The following MS4A12 variants were observed in gnomAD, a reference collection of about 807,000 sequenced individuals.
MS4A12 encodes the protein membrane-spanning 4-domains subfamily A member 12.
Under a neutral mutation model 23.7 loss-of-function variants are expected in MS4A12, and 28 were observed. That is an observed-to-expected ratio of 1.18 (90% CI 0.88 to 1.62). The LOEUF (loss-of-function observed/expected upper bound fraction) is 1.62, where lower values mean the gene tolerates loss of function less well. Ranked by LOEUF, MS4A12 falls within the 40% of genes most tolerant of loss-of-function variation. MS4A12 has a pLI of 0.00. For synonymous variants in MS4A12, 108 were observed against 110.1 expected (o/e 0.98, Z 0.12); for missense variants, 342 against 327.0 (o/e 1.05, Z -0.35).
At position 60,506,740 on chromosome 11, in the gene MS4A12, G is replaced by A. The variant is rs768161466; in HGVS notation, c.601G>A (p.Gly201Ser). 2.5e-6 allele frequency: 4 copies of A among 1,614,006 alleles called. No individual in the cohort carries two copies. In the South Asian group the frequency reaches 4.4e-5, roughly 18 times the overall value. The change falls in exon 6 of 7, where the codon GGC becomes AGC. Residue 201 changes from glycine to serine, a missense_variant. Transcript: ENST00000016913. ...QDYWAVLSGK[G>S]ISATLMIFSL... Reference sequence around the variant, plus strand: ...TTTATGATTTCAGCTTTCTGGAAAAGGCATTTCAGCCACGCTGATGATCTT... The same window carrying A: ...TTTATGATTTCAGCTTTCTGGAAAAAGCATTTCAGCCACGCTGATGATCTT...
At chr11:60,506,960 C>T in intron 6 of MS4A12, 60 bp from the exon 7 acceptor site, 2 of 1,535,886 alleles carry the variant, frequency 1.3e-6, no homozygotes, top group Non-Finnish European at 1.8e-6. Context: ...CTGATGGTAC[C>T]AGGGGAAATT....
At position 60,495,203 on chromosome 11, in the gene MS4A12, C is replaced by A. The variant is rs186407482; in HGVS notation, c.-6-2110C>A. On this transcript the variant is annotated intron_variant, in intron 1 of 6. Coordinates refer to ENST00000016913, the MANE Select transcript of MS4A12 (RefSeq NM_017716.3). ...ATTTTTAGTAGAGACGGGGTTTCAC[C>A]ATGTTAGCCAGGATGGTCTCGATCT... 4.4e-3 allele frequency among the ~76,000 whole-genome samples: 660 copies of A among 151,458 alleles called. 4 individuals are homozygous for A. The highest frequency in any genetic ancestry group is 0.015 in the African/African-American group (634 of 41,216).
chr11:60,499,900 ATACCTTAC>A (rs2086517122), intron 2 of MS4A12, among the ~76,000 whole-genome samples: 1 of 152,250 alleles, frequency 6.6e-6, no homozygotes, highest in African/African-American at 2.4e-5. Context: ...TAAAAGATGT[ATACCTTAC>A]TTTTAGTAAT....
intron 3 of MS4A12, 72 bp from the exon 4 acceptor site, chr11:60,501,910 CT>C (rs1343281844): frequency 7.2e-7 from 1 of 1,384,372 alleles, no homozygotes; most frequent in Non-Finnish European, 1.0e-6. Context: ...ATAGACCAAC[CT>C]TTCATATAAA....
intron 2 of MS4A12, chr11:60,498,108 A>G (rs1386774879): frequency 6.5e-6 from 1 of 153,600 alleles, no homozygotes; most frequent in Non-Finnish European, 1.4e-5. Flanking sequence ...CCTTACTTCT[A>G]CAAAGGAGAC....
At chr11:60,496,251 A>G (rs1246892951) in intron 1 of MS4A12, among the ~76,000 whole-genome samples, 3 of 152,220 alleles carry the variant, frequency 2.0e-5, no homozygotes, top group African/African-American at 7.2e-5. Flanking sequence ...ACCAAGAATG[A>G]GACATTCATC....
chr11:60,503,434 T>C (rs1025059013), intron 4 of MS4A12, among the ~76,000 whole-genome samples: 5 of 152,236 alleles, frequency 3.3e-5, no homozygotes, highest in Non-Finnish European at 5.9e-5. Context: ...TTATTGTGCA[T>C]GAAGCTTTTA....
intron 2 of MS4A12, among the ~76,000 whole-genome samples, chr11:60,499,895 G>T (rs117051707): frequency 6.6e-6 from 1 of 152,164 alleles, no homozygotes; most frequent in African/African-American, 2.4e-5. Context: ...GGAGGTAAAA[G>T]ATGTATACCT....
At chr11:60,506,605 G>A (rs2086571251) in intron 5 of MS4A12, 123 bp from the exon 6 acceptor site, 1 of 664,040 alleles carries the variant, frequency 1.5e-6, no homozygotes, top group South Asian at 2.0e-5. Flanking sequence ...GATGATACTG[G>A]AAGAATAAGC....
chr11:60,498,449 G>A (rs1393231546), intron 2 of MS4A12, among the ~76,000 whole-genome samples: 1 of 152,132 alleles, frequency 6.6e-6, no homozygotes, highest in Non-Finnish European at 1.5e-5. Context: ...AAGCTGTGGA[G>A]GTGGCCCTTC....
At chr11:60,501,863 G>A (rs1199325718) in intron 3 of MS4A12, 120 bp from the exon 4 acceptor site, 24 of 864,598 alleles carry the variant, frequency 2.8e-5, no homozygotes, top group Admixed American at 4.5e-5. Flanking sequence ...TCAGAAGTGC[G>A]AGAGAAAATT....
At chr11:60,501,936 C>A in intron 3 of MS4A12, 47 bp from the exon 4 acceptor site, 1 of 1,515,604 alleles carries the variant, frequency 6.6e-7, no homozygotes, top group Non-Finnish European at 9.1e-7. Flanking sequence ...AATTCCCAAG[C>A]ACAACCAGTT....
At chr11:60,502,448 A>G (rs2086538249) in intron 4 of MS4A12, among the ~76,000 whole-genome samples, 1 of 152,046 alleles carries the variant, frequency 6.6e-6, no homozygotes. Flanking sequence ...TTGTATTTTT[A>G]TTTTTTTATT....
chr11:60,502,271 G>A (rs2086536502), intron 4 of MS4A12, among the ~76,000 whole-genome samples: 1 of 152,192 alleles, frequency 6.6e-6, no homozygotes, highest in Non-Finnish European at 1.5e-5. Context: ...AAGGTGAGAA[G>A]TAGTAAAAAT....
intron 1 of MS4A12, among the ~76,000 whole-genome samples, chr11:60,494,127 T>C (rs969738704): frequency 3.3e-5 from 5 of 152,218 alleles, no homozygotes; most frequent in Admixed American, 6.5e-5. Context: ...TTCATTTCAA[T>C]TGAATAATTA....
intron 4 of MS4A12, 83 bp from the exon 5 acceptor site, chr11:60,503,618 A>C: frequency 8.8e-7 from 1 of 1,132,780 alleles, no homozygotes. Context: ...AAAAATTAAG[A>C]ACCATGAAAT....
At chr11:60,501,258 TC>T (rs2086528524) in intron 3 of MS4A12, 76 bp downstream of exon 3, 1 of 1,416,816 alleles carries the variant, frequency 7.1e-7, no homozygotes, top group Non-Finnish European at 9.4e-7. Flanking sequence ...TATTGCTATC[TC>T]CAGCCAATTC....
In MS4A12 at chr11:60,497,611, C is replaced by T. The variant is rs1344385283; in HGVS notation, c.276+17C>T. Reference sequence around the variant, plus strand: ...GCACTAGGGGTAAGTCTATTTACTACCAGAATTTTAATTTCACATTTGCAA... The same window carrying T: ...GCACTAGGGGTAAGTCTATTTACTATCAGAATTTTAATTTCACATTTGCAA... On this transcript the variant is annotated intron_variant, in intron 2 of 6. Transcript: ENST00000016913. 6.2e-7 allele frequency: 1 copy of T among 1,611,512 alleles called. No homozygotes were observed. Among genetic ancestry groups the T allele is most frequent in the Non-Finnish European group, 8.5e-7 (1 of 1,178,270 alleles).
chr11:60,506,598 G>A, intron 5 of MS4A12, 130 bp from the exon 6 acceptor site: 3 of 641,740 alleles, frequency 4.7e-6, no homozygotes, highest in Middle Eastern at 3.3e-4. Context: ...AGCATTTGAT[G>A]ATACTGGAAG....
Sources: gnomAD v4.1 joint callset for allele counts (sites outside exome capture counted in the v4.1 genomes callset) on GRCh38, gnomAD v4.1.1 for gene constraint, MANE v1.5 for transcripts, NCBI Gene and HGNC (gene_info 2026-07-23, HGNC 2026-07-21) for gene names.